The following IRAG2 variants were observed in gnomAD, a reference collection of about 807,000 sequenced individuals.
IRAG2 encodes the protein inositol 1,4,5-triphosphate receptor associated 2.
In IRAG2, 45 loss-of-function variants were observed where a neutral mutation model predicts 69.9. The ratio of observed to expected loss-of-function variants is 0.64; its 90% CI spans 0.51 to 0.83. The LOEUF (loss-of-function observed/expected upper bound fraction) is 0.83, where lower values mean the gene tolerates loss of function less well. IRAG2 is among the 40% of genes least tolerant of loss of function. The pLI is 0.00. For missense variants in IRAG2, 520 were observed against 587.0 expected (o/e 0.89, Z 1.18); for synonymous variants, 193 against 202.4 (o/e 0.95, Z 0.40).
Position 25,004,548 on chromosome 12 carries a change from TC to T in IRAG2, c.209del (p.Pro70LeufsTer22). On this transcript the variant is annotated frameshift_variant, in exon 1 of 39. Coordinates refer to the IRAG2 transcript ENST00000636465. LOFTEE classifies it high-confidence loss of function. ...TGAGGAAAATGACTGCTGCTTGTGTTCCTACGCCCGGCTCTCATTGGTCAAG... is the reference window on the plus strand; with the variant it reads ...TGAGGAAAATGACTGCTGCTTGTGTTCTACGCCCGGCTCTCATTGGTCAAG... The T allele has an allele frequency of 1.6e-6, 2 of 1,232,142 alleles. No homozygotes were observed. Among genetic ancestry groups the T allele is most frequent in the Non-Finnish European group, 2.0e-6 (2 of 987,964 alleles). 76.3% of individuals were successfully genotyped at this position (1,232,142 alleles called of 1,614,324 possible). A position where few individuals can be genotyped will look rare whatever the true frequency, so the allele number is the denominator to read the frequency against.
At chr12:25,089,932 C>A in intron 13 of IRAG2, 125 bp from the exon 14 acceptor site, 5 of 1,272,752 alleles carry the variant, frequency 3.9e-6, no homozygotes, top group South Asian at 1.3e-5. Flanking sequence ...GAACCCTGTG[C>A]ATGTCAGCAT....
At chr12:25,073,155 A>G (rs537269358) in intron 6 of IRAG2, among the ~76,000 whole-genome samples, 27 of 152,280 alleles carry the variant, frequency 1.8e-4, no homozygotes, top group Admixed American at 2.6e-4. Context: ...AACTAAGCTC[A>G]CTTCCTTCTT....
At chr12:25,038,202 C>T (rs959039670) in intron 16 of IRAG2, 20 of 397,478 alleles carry the variant, frequency 5.0e-5, no homozygotes, top group African/African-American at 3.9e-4. Context: ...GATCATGCCA[C>T]TGCATTCAGT....
intron 1 of IRAG2, among the ~76,000 whole-genome samples, chr12:25,055,800 A>G (rs925782689): frequency 6.6e-6 from 1 of 152,112 alleles, no homozygotes; most frequent in Non-Finnish European, 1.5e-5. Context: ...TAAAAAGGAA[A>G]TTTTTAAAAG....
chr12:25,002,282 G>A (rs1370310170), upstream of IRAG2, among the ~76,000 whole-genome samples: 6 of 152,116 alleles, frequency 3.9e-5, no homozygotes, highest in African/African-American at 1.4e-4. Context: ...AAAGTAGTTG[G>A]GAGCCAACAA....
chr12:25,043,360 G>A (rs1222818904), intron 16 of IRAG2, among the ~76,000 whole-genome samples: 1 of 151,744 alleles, frequency 6.6e-6, no homozygotes, highest in African/African-American at 2.4e-5. Context: ...TAAGATACTG[G>A]CTTCTGTTTC....
rs74345474 is a variant in IRAG2 at position 25,060,349 on chromosome 12, A to T, written c.-446-1243A>T. On this transcript the variant is annotated intron_variant, in intron 1 of 21. Coordinates refer to ENST00000556887, the MANE Select transcript of IRAG2 (RefSeq NM_001366544.2). ...TTATGTACATCAAAGAGCTAGTTAAATATTAGGTACTTTTCCCCCATTTCC... is the reference window on the plus strand; with the variant it reads ...TTATGTACATCAAAGAGCTAGTTAATTATTAGGTACTTTTCCCCCATTTCC... 1.3e-3 allele frequency among the ~76,000 whole-genome samples: 196 copies of T among 152,314 alleles called. 4 individuals carry two copies. The East Asian group carries it at 0.033, about 26-fold the overall frequency.
intron 21 of IRAG2, 70 bp downstream of exon 21, chr12:25,107,120 T>A: frequency 1.4e-6 from 1 of 732,340 alleles, no homozygotes; most frequent in Non-Finnish European, 2.2e-6. Flanking sequence ...GCTGACAGTA[T>A]TAATCCTAAT....
intron 15 of IRAG2, among the ~76,000 whole-genome samples, chr12:25,099,866 G>A (rs1385409863): frequency 6.6e-6 from 1 of 151,732 alleles, no homozygotes; most frequent in Non-Finnish European, 1.5e-5. Flanking sequence ...CAGGTGTGGT[G>A]GCACGTGCCT....
chr12:25,083,547 ACTATCCCTCT>A, intron 10 of IRAG2, 54 bp downstream of exon 10: 1 of 1,043,910 alleles, frequency 9.6e-7, no homozygotes, highest in African/African-American at 1.6e-5. Context: ...CAATGGTAGA[ACTATCCCTCT>A]AAAAAGTAGT....
At position 25,108,256 on chromosome 12, in the gene IRAG2, T is replaced by A. The variant is rs1182720697; in HGVS notation, c.*196T>A. 1.7e-5 allele frequency: 10 copies of A among 597,242 alleles called. No individual in the cohort carries two copies. The East Asian group carries it at 2.5e-4, about 15-fold the overall frequency. The allele number at this position is 597,242 out of a possible 1,614,324, so 37.0% of individuals were successfully genotyped here. A position where few individuals can be genotyped will look rare whatever the true frequency, so the allele number is the denominator to read the frequency against. On this transcript the variant is annotated 3_prime_UTR_variant, in exon 22 of 22. Transcript: ENST00000556887. ...ATGGGGAAGAAGTCTGCCTATGATCTTTGAATGAGCTTTTTAAGGAAGAAA... is the reference window on the plus strand; with the variant it reads ...ATGGGGAAGAAGTCTGCCTATGATCATTGAATGAGCTTTTTAAGGAAGAAA...
At chr12:25,045,080 A>G (rs1262399942) in intron 16 of IRAG2, among the ~76,000 whole-genome samples, 2 of 152,148 alleles carry the variant, frequency 1.3e-5, no homozygotes, top group African/African-American at 4.8e-5. Context: ...ATAATGGAAT[A>G]AAACTAGAAA....
At chr12:25,043,707 T>A (rs1027872318) in intron 16 of IRAG2, among the ~76,000 whole-genome samples, 2 of 152,200 alleles carry the variant, frequency 1.3e-5, no homozygotes, top group Admixed American at 1.3e-4. Flanking sequence ...AGACCACCCC[T>A]GGCCTCCAGA....
In IRAG2 at chr12:25,007,567, G is replaced by A. The variant is rs1049883761; in HGVS notation, c.688+2213G>A. ...ACAGAGTCTCACTCTTGTCACCTAG[G>A]CCGGAGTGCAGTGGTGTGATCTTGG... On this transcript the variant is annotated intron_variant, in intron 2 of 38. Coordinates refer to the IRAG2 transcript ENST00000636465. Among the ~76,000 whole-genome samples the A allele has an allele frequency of 5.9e-5, 9 of 152,154 alleles. No individual in the cohort carries two copies. The East Asian group carries it at 1.5e-3, about 26-fold the overall frequency.
At chr12:25,022,337 T>C (rs564899328) in intron 7 of IRAG2, among the ~76,000 whole-genome samples, 15 of 152,046 alleles carry the variant, frequency 9.9e-5, no homozygotes, top group Non-Finnish European at 1.9e-4. Context: ...CAACTAAAAA[T>C]ATAGAAATTA....
At chr12:25,070,578 T>C (rs1016850943) in intron 6 of IRAG2, among the ~76,000 whole-genome samples, 2 of 152,240 alleles carry the variant, frequency 1.3e-5, no homozygotes, top group African/African-American at 2.4e-5. Flanking sequence ...TTTTTGGCTA[T>C]TGCAAGTGAT....
intron 9 of IRAG2, among the ~76,000 whole-genome samples, chr12:25,082,775 G>A (rs1016911600): frequency 2.0e-5 from 3 of 151,946 alleles, no homozygotes; most frequent in African/African-American, 4.8e-5. Context: ...TCTTAAAAAG[G>A]AAGAAACAAA....
At position 25,108,186 on chromosome 12, in the gene IRAG2, G is replaced by T. The variant is rs532733260; in HGVS notation, c.*126G>T. 9 of 1,053,608 alleles carry T rather than the reference G, an allele frequency of 8.5e-6. No homozygotes were observed. In the Admixed American group the frequency reaches 1.7e-4, roughly 20 times the overall value. The allele number at this position is 1,053,608 out of a possible 1,614,324, so 65.3% of individuals were successfully genotyped here. ...AGGTTCTCAGAATGACTGTAAGATA[G>T]CTTACATTTCCTCTTTTTGCCTTTA... On this transcript the variant is annotated 3_prime_UTR_variant, in exon 22 of 22. Transcript: ENST00000556887.
At chr12:25,060,975 T>C (rs1002598377) in intron 1 of IRAG2, among the ~76,000 whole-genome samples, 1 of 152,120 alleles carries the variant, frequency 6.6e-6, no homozygotes, top group Non-Finnish European at 1.5e-5. Context: ...GCCTAAGATG[T>C]ATTCTTAGCT....
Sources: allele counts gnomAD v4.1 joint callset (sites outside exome capture counted in the v4.1 genomes callset), GRCh38; gene constraint gnomAD v4.1.1; transcripts MANE v1.5; gene names NCBI Gene and HGNC (gene_info 2026-07-23, HGNC 2026-07-21).